Variants in LRRC4C observed in about 807,000 individuals in gnomAD.
LRRC4C encodes leucine-rich repeat-containing protein 4C.
In LRRC4C, 5 loss-of-function variants were observed where a neutral mutation model predicts 33.6. That is an observed-to-expected ratio of 0.15 (90% CI 0.08 to 0.31). The LOEUF (loss-of-function observed/expected upper bound fraction) is 0.31, where lower values mean the gene tolerates loss of function less well. Among genes scored for constraint, LRRC4C ranks in the 10% least tolerant of loss-of-function variants. The probability of loss-of-function intolerance (pLI) is 1.00; values close to 1 mark genes in which losing one functional copy is unlikely to be tolerated. For missense variants in LRRC4C, 560 were observed against 796.7 expected, an observed-to-expected ratio of 0.70 and a Z score of 3.58; for synonymous variants, 329 against 302.0, an observed-to-expected ratio of 1.09 and a Z score of -0.93.
At chr11:41,208,124 C>T (rs1048807148) in intron 1 of LRRC4C, among the ~76,000 whole-genome samples, 2 of 152,094 alleles carry the variant, frequency 1.3e-5, no homozygotes, top group Admixed American at 1.3e-4. Context: ...AAAGGTGCTT[C>T]TGGGAGGTCT....
intron 3 of LRRC4C, among the ~76,000 whole-genome samples, chr11:40,428,997 TG>T (rs770010295): frequency 3.9e-5 from 6 of 152,178 alleles, no homozygotes; most frequent in Non-Finnish European, 7.3e-5. Flanking sequence ...AAATAATTGT[TG>T]GAAAATTGGG....
chr11:40,843,834 A>G lies in LRRC4C; in HGVS notation c.-407+89801T>C, dbSNP rs377400472. 1.1e-4 allele frequency among the ~76,000 whole-genome samples: 17 copies of G among 152,308 alleles called. No individual in the cohort carries two copies. The East Asian group carries it at 2.9e-3, about 26-fold the overall frequency. On this transcript the variant is annotated intron_variant, in intron 2 of 6. Coordinates refer to ENST00000528697, the MANE Select transcript of LRRC4C (RefSeq NM_001258419.2). The stretch of plus-strand genomic sequence containing the variant: ...ATTGGTTAAATATTAGTGTCTTCAT[A>G]TGGTTCAAAATATTATTTGTTTATC...
chr11:40,740,230 T>C (rs966537493), intron 2 of LRRC4C, among the ~76,000 whole-genome samples: 2 of 151,988 alleles, frequency 1.3e-5, no homozygotes, highest in Non-Finnish European at 2.9e-5. Context: ...AATTTTTTGA[T>C]GAACCTTCAT....
intron 3 of LRRC4C, among the ~76,000 whole-genome samples, chr11:40,504,742 A>G (rs570116751): frequency 6.6e-6 from 1 of 152,274 alleles, no homozygotes; most frequent in African/African-American, 2.4e-5. Context: ...TACTGTCTAG[A>G]ATGTATTGCT....
intron 3 of LRRC4C, among the ~76,000 whole-genome samples, chr11:40,602,495 T>C (rs936019953): frequency 2.0e-5 from 3 of 151,894 alleles, no homozygotes; most frequent in Non-Finnish European, 2.9e-5. Flanking sequence ...CAAATTGTAA[T>C]TATGAGAGTT....
chr11:40,585,486 T>TA (rs1958683489), intron 3 of LRRC4C, among the ~76,000 whole-genome samples: 2 of 151,876 alleles, frequency 1.3e-5, no homozygotes, highest in South Asian at 2.1e-4. Context: ...CTTTTTTTTT[T>TA]TATACTTTAA....
intron 3 of LRRC4C, among the ~76,000 whole-genome samples, chr11:40,507,075 A>T (rs1371337445): frequency 6.6e-6 from 1 of 152,104 alleles, no homozygotes; most frequent in East Asian, 1.9e-4. Flanking sequence ...AAAACACTAC[A>T]TGTATTAAAA....
At chr11:40,492,131 T>C (rs1178235910) in intron 3 of LRRC4C, among the ~76,000 whole-genome samples, 1 of 152,228 alleles carries the variant, frequency 6.6e-6, no homozygotes, top group Non-Finnish European at 1.5e-5. Flanking sequence ...TTGTTACACA[T>C]ATAATTGCAA....
intron 1 of LRRC4C, among the ~76,000 whole-genome samples, chr11:41,216,620 T>C (rs1254972807): frequency 6.6e-6 from 1 of 152,180 alleles, no homozygotes; most frequent in African/African-American, 2.4e-5. Flanking sequence ...GACAGTTGTG[T>C]TGATGATGCA....
chr11:40,258,013 C>T (rs570167028), intron 4 of LRRC4C, among the ~76,000 whole-genome samples: 2 of 152,142 alleles, frequency 1.3e-5, no homozygotes, highest in Non-Finnish European at 2.9e-5. Context: ...GATTACTCTT[C>T]GAAATTTCTA....
Position 41,053,371 on chromosome 11 carries a change from C to A in LRRC4C, c.-495-119648G>T, listed in dbSNP as rs554180745. The stretch of plus-strand genomic sequence containing the variant: ...GCTGGCTAACAGCAAGAAACTAATA[C>A]CCTCATCATTACAGGCTGTAAAGAA... On this transcript the variant is annotated intron_variant, in intron 1 of 6. Transcript: ENST00000528697. Among the ~76,000 whole-genome samples, 108 of 152,260 alleles carry A rather than the reference C, an allele frequency of 7.1e-4. No individual in the cohort carries two copies. In the South Asian group the frequency reaches 0.011, roughly 15 times the overall value.
At chr11:40,714,635 A>C (rs974648716) in intron 2 of LRRC4C, among the ~76,000 whole-genome samples, 1 of 152,188 alleles carries the variant, frequency 6.6e-6, no homozygotes, top group African/African-American at 2.4e-5. Context: ...AACTGTCCCC[A>C]AAAAGAACAA....
intron 1 of LRRC4C, among the ~76,000 whole-genome samples, chr11:41,402,322 T>C (rs770031593): frequency 8.6e-5 from 13 of 152,022 alleles, no homozygotes; most frequent in Non-Finnish European, 1.9e-4. Flanking sequence ...CACCAACTAA[T>C]GGGAAGTCTT....
intron 3 of LRRC4C, among the ~76,000 whole-genome samples, chr11:40,433,563 T>C (rs1009393573): frequency 6.6e-6 from 1 of 152,122 alleles, no homozygotes; most frequent in Admixed American, 6.5e-5. Context: ...AAAAATTAGA[T>C]AGTTACTAAC....
chr11:41,300,691 CT>C (rs1214753406), intron 1 of LRRC4C, among the ~76,000 whole-genome samples: 7 of 152,136 alleles, frequency 4.6e-5, no homozygotes, highest in Non-Finnish European at 8.8e-5. Context: ...CTTCCTCTAC[CT>C]TGACATCCCC....
intron 1 of LRRC4C, among the ~76,000 whole-genome samples, chr11:41,355,929 A>G (rs1952145334): frequency 1.3e-5 from 2 of 152,126 alleles, no homozygotes; most frequent in Admixed American, 1.3e-4. Context: ...CCAACATTCA[A>G]GTATTTACAT....
intron 2 of LRRC4C, among the ~76,000 whole-genome samples, chr11:40,732,317 A>G (rs1208642378): frequency 6.6e-6 from 1 of 152,184 alleles, no homozygotes; most frequent in African/African-American, 2.4e-5. Flanking sequence ...AGCTCTCCCA[A>G]AAAAGTAAAT....
intron 2 of LRRC4C, among the ~76,000 whole-genome samples, chr11:40,721,566 T>C (rs780039104): frequency 6.6e-5 from 10 of 152,228 alleles, no homozygotes; most frequent in Non-Finnish European, 1.0e-4. Context: ...TTTCTTATTG[T>C]GGACACATAG....
chr11:40,464,505 G>T (rs1427614351), intron 3 of LRRC4C, among the ~76,000 whole-genome samples: 2 of 151,862 alleles, frequency 1.3e-5, no homozygotes, highest in Non-Finnish European at 2.9e-5. Context: ...GATATAAAAG[G>T]CATTCAAATT....
Sources: allele counts gnomAD v4.1 joint callset (sites outside exome capture counted in the v4.1 genomes callset), GRCh38; gene constraint gnomAD v4.1.1; transcripts MANE v1.5; gene names NCBI Gene and HGNC (gene_info 2026-07-23, HGNC 2026-07-21).